The following GIPC2 variants were observed in gnomAD, a reference collection of about 807,000 sequenced individuals.
GIPC2 encodes the protein PDZ domain-containing protein GIPC2.
GIPC2 carries 30 observed loss-of-function variants against 30.6 expected under a neutral mutation model. That is an observed-to-expected ratio of 0.98 (90% CI 0.73 to 1.33). The LOEUF (loss-of-function observed/expected upper bound fraction) is 1.33. Among genes scored for constraint, GIPC2 ranks in the 40% most tolerant of loss-of-function variants. The pLI, the probability that GIPC2 is intolerant of heterozygous loss-of-function variation, is 0.00. For synonymous variants in GIPC2, 167 were observed against 150.0 expected (o/e 1.11, Z -0.83); for missense variants, 414 against 390.3 (o/e 1.06, Z -0.51).
intron 5 of GIPC2, among the ~76,000 whole-genome samples, chr1:78,129,686 C>A (rs538897197): frequency 2.9e-4 from 44 of 152,164 alleles, no homozygotes; most frequent in Non-Finnish European, 5.7e-4. Context: ...GGATGTTATC[C>A]ATGAAAAAAA....
chr1:78,109,469 T>C (rs1662421667), intron 3 of GIPC2, among the ~76,000 whole-genome samples: 1 of 152,212 alleles, frequency 6.6e-6, no homozygotes, highest in Non-Finnish European at 1.5e-5. Flanking sequence ...CCTGGCCTTT[T>C]ATTCCAGCTC....
chr1:78,101,126 A>G (rs566893874), intron 3 of GIPC2, among the ~76,000 whole-genome samples: 2 of 152,238 alleles, frequency 1.3e-5, no homozygotes, highest in Non-Finnish European at 2.9e-5. Context: ...CAGTGAGGGG[A>G]ACATCAGCAT....
In GIPC2 at chr1:78,129,568, G is replaced by A. The variant is rs140531332; in HGVS notation, c.796+3606G>A. 9.2e-5 allele frequency among the ~76,000 whole-genome samples: 14 copies of A among 152,284 alleles called. No individual in the cohort carries two copies. The East Asian group carries it at 2.7e-3, about 29-fold the overall frequency. ...TTTGAAAATGGAAAATAATTTAAAT[G>A]AATTTTTGTAGAGAGTAATCCTGAA... On this transcript the variant is annotated intron_variant, in intron 5 of 5. Transcript: ENST00000370759.
In GIPC2 at chr1:78,091,419, G is replaced by A. The variant is rs550717342; in HGVS notation, c.427-3533G>A. 28 of 552,308 alleles carry A rather than the reference G, an allele frequency of 5.1e-5. No individual in the cohort carries two copies. The Admixed American group carries it at 6.9e-4, about 14-fold the overall frequency. 34.2% of individuals were successfully genotyped at this position (552,308 alleles called of 1,614,324 possible). ...TAGGGAGAGTGGAGCCGATAAGGCG[G>A]CCGCAGGGGCGGAGCCAGGGGCCTT... On this transcript the variant is annotated intron_variant, in intron 2 of 5. Coordinates refer to ENST00000370759, the MANE Select transcript of GIPC2 (RefSeq NM_017655.6).
intron 5 of GIPC2, among the ~76,000 whole-genome samples, chr1:78,135,340 G>T (rs1662980269): frequency 6.6e-6 from 1 of 152,160 alleles, no homozygotes; most frequent in African/African-American, 2.4e-5. Flanking sequence ...GGGCTCCAAG[G>T]TTGGGTAGGG....
intron 1 of GIPC2, among the ~76,000 whole-genome samples, chr1:78,080,453 C>G (rs1024432541): frequency 6.6e-6 from 1 of 152,094 alleles, no homozygotes; most frequent in Non-Finnish European, 1.5e-5. Context: ...AATTGTCTAG[C>G]GTGAAGCCTG....
chr1:78,081,527 G>C (rs1299236257), intron 2 of GIPC2, among the ~76,000 whole-genome samples: 1 of 152,124 alleles, frequency 6.6e-6, no homozygotes, highest in Admixed American at 6.6e-5. Flanking sequence ...TTATACCAGG[G>C]ACTTGAACAT....
intron 2 of GIPC2, among the ~76,000 whole-genome samples, chr1:78,086,920 A>G (rs1306205911): frequency 6.6e-6 from 1 of 152,136 alleles, no homozygotes; most frequent in Admixed American, 6.5e-5. Flanking sequence ...TAAATGGGAC[A>G]TTTAGCCTGT....
intron 4 of GIPC2, 29 bp downstream of exon 4, chr1:78,119,528 T>C: frequency 7.6e-7 from 1 of 1,311,398 alleles, no homozygotes; most frequent in South Asian, 1.2e-5. Flanking sequence ...CTTCCTGTTC[T>C]GCTTGGAAAT....
At chr1:78,135,563 T>C in intron 5 of GIPC2, 29 bp from the exon 6 acceptor site, 1 of 1,377,912 alleles carries the variant, frequency 7.3e-7, no homozygotes, top group Non-Finnish European at 1.0e-6. Context: ...TTTCATTTAT[T>C]GTTAATTTTT....
chr1:78,102,999 C>T (rs79539440), intron 3 of GIPC2, among the ~76,000 whole-genome samples: 3,219 of 152,292 alleles, frequency 0.021, 46 homozygotes, highest in Non-Finnish European at 0.032. Flanking sequence ...AGCTGCCATT[C>T]GCTTTTCCTA....
At chr1:78,047,545 C>T (rs1171018143) in intron 1 of GIPC2, among the ~76,000 whole-genome samples, 2 of 151,394 alleles carry the variant, frequency 1.3e-5, no homozygotes, top group African/African-American at 2.4e-5. Flanking sequence ...TCAAAAAACA[C>T]TTTCACAGGA....
chr1:78,128,554 G>A (rs1035392718), intron 5 of GIPC2, among the ~76,000 whole-genome samples: 1 of 152,144 alleles, frequency 6.6e-6, no homozygotes, highest in Non-Finnish European at 1.5e-5. Context: ...ATGTTTATTC[G>A]TACAACAGTC....
chr1:78,083,034 A>G (rs1035606004), intron 2 of GIPC2, among the ~76,000 whole-genome samples: 5 of 152,278 alleles, frequency 3.3e-5, no homozygotes, highest in African/African-American at 7.2e-5. Flanking sequence ...CTACAGTACA[A>G]TTATGAAATT....
rs368532303 is a variant in GIPC2 at position 78,057,145 on chromosome 1, A to G, written c.240+10811A>G. ...TATTGAATGAATAAAATCAACAGATAAAATAGGGGTCTTACCTTTTAAAAT... is the reference window on the plus strand; with the variant it reads ...TATTGAATGAATAAAATCAACAGATGAAATAGGGGTCTTACCTTTTAAAAT... On this transcript the variant is annotated intron_variant, in intron 1 of 5. Transcript: ENST00000370759. 6.6e-5 allele frequency among the ~76,000 whole-genome samples: 10 copies of G among 152,354 alleles called. No homozygotes were observed. In the East Asian group the frequency reaches 1.9e-3, roughly 29 times the overall value.
At chr1:78,110,234 G>A (rs1662442125) in intron 3 of GIPC2, among the ~76,000 whole-genome samples, 1 of 151,884 alleles carries the variant, frequency 6.6e-6, no homozygotes, top group Admixed American at 6.6e-5. Context: ...ATCTGTAGAG[G>A]GAACCTCTAT....
At chr1:78,131,523 A>G (rs1662898250) in intron 5 of GIPC2, among the ~76,000 whole-genome samples, 1 of 152,174 alleles carries the variant, frequency 6.6e-6, no homozygotes, top group Non-Finnish European at 1.5e-5. Context: ...ATTCAGGTTT[A>G]TTATTGCAGT....
intron 1 of GIPC2, among the ~76,000 whole-genome samples, chr1:78,076,138 A>G (rs1661713190): frequency 6.6e-6 from 1 of 152,216 alleles, no homozygotes. Flanking sequence ...CTAAATTGGT[A>G]GTCATTAAGC....
At chr1:78,115,306 A>G (rs1293789505) in intron 3 of GIPC2, among the ~76,000 whole-genome samples, 1 of 152,220 alleles carries the variant, frequency 6.6e-6, no homozygotes, top group East Asian at 1.9e-4. Context: ...TGTGTAATCA[A>G]TGGTAAACCA....
Sources: gnomAD v4.1 joint callset for allele counts (sites outside exome capture counted in the v4.1 genomes callset) on GRCh38, gnomAD v4.1.1 for gene constraint, MANE v1.5 for transcripts, NCBI Gene and HGNC (gene_info 2026-07-23, HGNC 2026-07-21) for gene names.